The following DOK5 variants were observed in gnomAD, a reference collection of about 807,000 sequenced individuals.
DOK5 encodes the protein downstream of tyrosine kinase 5.
Under a neutral mutation model 43.3 loss-of-function variants are expected in DOK5, and 27 were observed. That is an observed-to-expected ratio of 0.62 (90% CI 0.46 to 0.86). The LOEUF (loss-of-function observed/expected upper bound fraction) is 0.86. Ranked by LOEUF, DOK5 falls within the 40% of genes least tolerant of loss-of-function variation. The pLI is 0.00. For missense variants in DOK5, 373 were observed against 392.9 expected, an observed-to-expected ratio of 0.95 and a Z score of 0.43; for synonymous variants, 146 against 140.1, an observed-to-expected ratio of 1.04 and a Z score of -0.30.
At chr20:54,523,170 A>G (rs1983469996) in intron 1 of DOK5, among the ~76,000 whole-genome samples, 1 of 152,236 alleles carries the variant, frequency 6.6e-6, no homozygotes, top group African/African-American at 2.4e-5. Context: ...TGCCAAAGTC[A>G]GAAATGCATT....
intron 1 of DOK5, among the ~76,000 whole-genome samples, chr20:54,480,363 A>T (rs1194714465): frequency 6.6e-6 from 1 of 152,200 alleles, no homozygotes; most frequent in East Asian, 1.9e-4. Flanking sequence ...CAAGATGGCC[A>T]TGAGAGTGAC....
chr20:54,622,717 C>T (rs923028643), intron 6 of DOK5, among the ~76,000 whole-genome samples: 4 of 152,168 alleles, frequency 2.6e-5, no homozygotes, highest in Non-Finnish European at 5.9e-5. Flanking sequence ...CGACCCTTCC[C>T]TCATTTGGAG....
intron 7 of DOK5, among the ~76,000 whole-genome samples, chr20:54,648,379 C>T (rs149466949): frequency 2.6e-4 from 40 of 152,094 alleles, no homozygotes; most frequent in Middle Eastern, 3.4e-3. Flanking sequence ...GTATATGGAA[C>T]AGTGGAAAAG....
chr20:54,499,903 G>A (rs66631852), intron 1 of DOK5, among the ~76,000 whole-genome samples: 13,336 of 152,180 alleles, frequency 0.088, 638 homozygotes, highest in Middle Eastern at 0.13. Context: ...GAGGAGCGAG[G>A]GGCTCAGATC....
chr20:54,593,290 C>T (rs1986038118), intron 5 of DOK5, among the ~76,000 whole-genome samples: 1 of 151,706 alleles, frequency 6.6e-6, no homozygotes, highest in African/African-American at 2.4e-5. Context: ...TTTAAATAAT[C>T]AAAGCCCAAT....
intron 2 of DOK5, chr20:54,555,594 C>T (rs1459390286): frequency 6.6e-6 from 1 of 152,586 alleles, no homozygotes; most frequent in Non-Finnish European, 1.5e-5. Context: ...CGTGGATTCA[C>T]AAATTAGCTA....
At chr20:54,627,056 C>A (rs1456026092) in intron 6 of DOK5, among the ~76,000 whole-genome samples, 3 of 152,168 alleles carry the variant, frequency 2.0e-5, no homozygotes, top group Admixed American at 6.5e-5. Context: ...CCTATTCATT[C>A]TTTTTGATGG....
At chr20:54,520,714 A>G (rs1983362885) in intron 1 of DOK5, among the ~76,000 whole-genome samples, 1 of 152,150 alleles carries the variant, frequency 6.6e-6, no homozygotes, top group South Asian at 2.1e-4. Flanking sequence ...TGAGCCCAGG[A>G]GGTTGAGTCA....
At chr20:54,539,309 A>C (rs942622703) in intron 1 of DOK5, among the ~76,000 whole-genome samples, 1 of 148,182 alleles carries the variant, frequency 6.7e-6, no homozygotes, top group Non-Finnish European at 1.5e-5. Flanking sequence ...AAAAAAAAAA[A>C]GTGGAGAACA....
At chr20:54,519,760 A>G (rs910980086) in intron 1 of DOK5, among the ~76,000 whole-genome samples, 2 of 152,228 alleles carry the variant, frequency 1.3e-5, no homozygotes. Flanking sequence ...GCATTCAATA[A>G]CTATGTTTGT....
chr20:54,476,122 G>T, intron 1 of DOK5, 110 bp downstream of exon 1: 3 of 1,558,486 alleles, frequency 1.9e-6, no homozygotes, highest in Non-Finnish European at 1.7e-6. Context: ...CCGGAGAATT[G>T]CGCGGTGGCT....
chr20:54,480,926 A>AATCTATCATCTATCTATCT (rs1981647214), intron 1 of DOK5, among the ~76,000 whole-genome samples: 1 of 124,706 alleles, frequency 8.0e-6, no homozygotes, highest in Non-Finnish European at 1.7e-5. Context: ...TCTATCTATC[A>AATCTATCATCTATCTATCT]ATCATCTATC....
At chr20:54,486,349 T>C (rs768092034) in intron 1 of DOK5, among the ~76,000 whole-genome samples, 6 of 150,756 alleles carry the variant, frequency 4.0e-5, no homozygotes, top group Non-Finnish European at 7.4e-5. Flanking sequence ...TGTCTATATA[T>C]GTCTGTATTT....
At chr20:54,564,860 C>G (rs999305892) in intron 2 of DOK5, among the ~76,000 whole-genome samples, 1 of 152,236 alleles carries the variant, frequency 6.6e-6, no homozygotes, top group African/African-American at 2.4e-5. Context: ...TGCCAATACC[C>G]TGGTCTCCTA....
intron 6 of DOK5, among the ~76,000 whole-genome samples, chr20:54,634,864 T>C (rs547354829): frequency 6.6e-6 from 1 of 152,282 alleles, no homozygotes; most frequent in South Asian, 2.1e-4. Context: ...GGTTTTAATG[T>C]AGTCAGGTTT....
At chr20:54,539,279 C>CAAAA (rs57981823) in intron 1 of DOK5, among the ~76,000 whole-genome samples, 4 of 44,748 alleles carry the variant, frequency 8.9e-5, no homozygotes, top group Non-Finnish European at 2.1e-4. Flanking sequence ...GCTCCATCTC[C>CAAAA]AAAAAAAAAA....
intron 1 of DOK5, among the ~76,000 whole-genome samples, chr20:54,532,324 G>T (rs2146707209): frequency 6.6e-6 from 1 of 152,282 alleles, no homozygotes; most frequent in South Asian, 2.1e-4. Flanking sequence ...GGCTCCTGAG[G>T]TTGTGTTCTT....
chr20:54,620,307 C>T (rs990514974), intron 6 of DOK5, among the ~76,000 whole-genome samples: 2 of 152,188 alleles, frequency 1.3e-5, no homozygotes, highest in African/African-American at 2.4e-5. Context: ...GGTGCAATCT[C>T]GGCTCACTGC....
At chr20:54,507,818 A>G (rs1055014781) in intron 1 of DOK5, among the ~76,000 whole-genome samples, 142 of 152,350 alleles carry the variant, frequency 9.3e-4, no homozygotes, top group African/African-American at 3.2e-3. Context: ...CCTAGAGAAG[A>G]AAAAGGATAG....
Sources: gnomAD v4.1 joint callset for allele counts (sites outside exome capture counted in the v4.1 genomes callset) on GRCh38, gnomAD v4.1.1 for gene constraint, MANE v1.5 for transcripts, NCBI Gene and HGNC (gene_info 2026-07-23, HGNC 2026-07-21) for gene names.